CSNK1G3: variants seen among roughly 807,000 people sequenced by gnomAD.
CSNK1G3 encodes the protein casein kinase I isoform gamma-3.
CSNK1G3 carries 23 observed loss-of-function variants against 64.3 expected under a neutral mutation model. The observed-to-expected ratio is 0.36, with a 90% CI of 0.26 to 0.51. The LOEUF (loss-of-function observed/expected upper bound fraction) is 0.51. Ranked by LOEUF, CSNK1G3 falls within the 20% of genes least tolerant of loss-of-function variation. The pLI, the probability that CSNK1G3 is intolerant of heterozygous loss-of-function variation, is 0.96. For missense variants in CSNK1G3, 357 were observed against 510.5 expected (o/e 0.70, Z 2.90); for synonymous variants, 158 against 162.2 (o/e 0.97, Z 0.20).
intron 8 of CSNK1G3, among the ~76,000 whole-genome samples, chr5:123,589,175 T>C (rs573029499): frequency 6.6e-6 from 1 of 152,288 alleles, no homozygotes; most frequent in Admixed American, 6.5e-5. Context: ...AATACGGAAT[T>C]CCTATCTCAC....
intron 10 of CSNK1G3, among the ~76,000 whole-genome samples, chr5:123,598,506 A>G (rs990876517): frequency 3.9e-5 from 6 of 152,200 alleles, no homozygotes; most frequent in Non-Finnish European, 8.8e-5. Context: ...GGAAAGTGAC[A>G]TCTAAACTGA....
chr5:123,512,558 C>T (rs1776366741), exon 1 of CSNK1G3: 2 of 151,678 alleles, frequency 1.3e-5, no homozygotes, highest in Middle Eastern at 6.8e-3. Context: ...CTGCTCGCGG[C>T]CGCGCCTTTG....
intron 9 of CSNK1G3, 64 bp from the exon 10 acceptor site, chr5:123,591,255 T>C: frequency 1.0e-6 from 1 of 994,070 alleles, no homozygotes; most frequent in Non-Finnish European, 1.5e-6. Context: ...TTTAAGCAGC[T>C]AAATGATTTT....
intron 10 of CSNK1G3, among the ~76,000 whole-genome samples, chr5:123,593,127 G>A (rs1472481188): frequency 6.6e-6 from 1 of 151,336 alleles, no homozygotes; most frequent in Non-Finnish European, 1.5e-5. Context: ...TAGAGTATAA[G>A]CTCACTGAGG....
chr5:123,536,744 T>C (rs555163505), intron 1 of CSNK1G3, among the ~76,000 whole-genome samples: 1 of 152,100 alleles, frequency 6.6e-6, no homozygotes, highest in South Asian at 2.1e-4. Context: ...AAAGTGGCAT[T>C]AGAAGAAGAA....
chr5:123,528,104 G>A (rs1357579330), intron 1 of CSNK1G3, among the ~76,000 whole-genome samples: 4 of 152,216 alleles, frequency 2.6e-5, no homozygotes, highest in Non-Finnish European at 1.5e-5. Flanking sequence ...AAAAATGAAA[G>A]TATCTGACTC....
intron 4 of CSNK1G3, among the ~76,000 whole-genome samples, chr5:123,561,982 C>T (rs1785829502): frequency 6.6e-6 from 1 of 152,238 alleles, no homozygotes; most frequent in South Asian, 2.1e-4. Context: ...AATTGGGCTT[C>T]CTTTTGAATA....
chr5:123,531,276 G>A (rs897461486), intron 1 of CSNK1G3, among the ~76,000 whole-genome samples: 4 of 151,940 alleles, frequency 2.6e-5, no homozygotes, highest in East Asian at 1.9e-4. Flanking sequence ...ACTTAATACC[G>A]ATATGTTCTC....
At chr5:123,605,132 A>T in intron 11 of CSNK1G3, among the ~76,000 whole-genome samples, 1 of 152,076 alleles carries the variant, frequency 6.6e-6, no homozygotes, top group Non-Finnish European at 1.5e-5. Context: ...ATGTACTATC[A>T]ATCTTTTTTC....
chr5:123,533,150 T>G (rs766510269), intron 1 of CSNK1G3, among the ~76,000 whole-genome samples: 18 of 151,946 alleles, frequency 1.2e-4, no homozygotes, highest in Non-Finnish European at 2.2e-4. Flanking sequence ...TATTTCTTGT[T>G]TTAGTAAATT....
intron 8 of CSNK1G3, among the ~76,000 whole-genome samples, chr5:123,589,825 A>G (rs1000935314): frequency 2.6e-5 from 4 of 152,204 alleles, no homozygotes. Context: ...CCAGAAATTA[A>G]GAGAAGACTT....
Position 123,615,226 on chromosome 5 carries a change from A to G in CSNK1G3, c.*830A>G, listed in dbSNP as rs541359063. ...TACTTTAAAAAGTGATGTATGTTGGAGTTATAAAGAAATACACTAAGGAGA... is the reference window on the plus strand; with the variant it reads ...TACTTTAAAAAGTGATGTATGTTGGGGTTATAAAGAAATACACTAAGGAGA... On this transcript the variant is annotated 3_prime_UTR_variant, in exon 13 of 13. Transcript: ENST00000345990. 19 of 152,708 alleles carry G rather than the reference A, an allele frequency of 1.2e-4. No individual in the cohort carries two copies. The South Asian group carries it at 3.9e-3, about 32-fold the overall frequency. 9.5% of individuals were successfully genotyped at this position (152,708 alleles called of 1,614,324 possible).
chr5:123,607,566 A>T (rs952238668), intron 12 of CSNK1G3, among the ~76,000 whole-genome samples: 2 of 152,178 alleles, frequency 1.3e-5, no homozygotes, highest in Non-Finnish European at 1.5e-5. Context: ...ATAGACATCA[A>T]AAGATTAGTG....
intron 1 of CSNK1G3, among the ~76,000 whole-genome samples, chr5:123,525,343 A>T (rs1330526077): frequency 2.1e-5 from 3 of 142,962 alleles, no homozygotes; most frequent in Non-Finnish European, 4.5e-5. Context: ...ACGGAGTCTC[A>T]CTCTGTCGCC....
chr5:123,590,861 A>C (rs1327781614), intron 9 of CSNK1G3, among the ~76,000 whole-genome samples: 1 of 152,018 alleles, frequency 6.6e-6, no homozygotes, highest in East Asian at 1.9e-4. Flanking sequence ...TTAATACTTC[A>C]ATCCCTTGAT....
At chr5:123,571,833 A>G (rs2150667873) in intron 4 of CSNK1G3, among the ~76,000 whole-genome samples, 2 of 152,310 alleles carry the variant, frequency 1.3e-5, no homozygotes, top group South Asian at 4.1e-4. Context: ...TTTTCATGCT[A>G]ATAGATAAAT....
At chr5:123,575,693 A>G (rs1335216040) in intron 5 of CSNK1G3, 36 bp from the exon 6 acceptor site, 1 of 1,412,528 alleles carries the variant, frequency 7.1e-7, no homozygotes, top group Non-Finnish European at 1.0e-6. Context: ...GTCAAAGCCC[A>G]AAATAAAACT....
At chr5:123,570,901 G>A (rs10452549) in intron 4 of CSNK1G3, among the ~76,000 whole-genome samples, 35,781 of 152,048 alleles carry the variant, frequency 0.24, 4,305 homozygotes, top group Middle Eastern at 0.38. Context: ...CGATGTTGTG[G>A]TAGCTGAGAG....
intron 6 of CSNK1G3, among the ~76,000 whole-genome samples, chr5:123,587,621 GTATT>G (rs757917868): frequency 6.6e-6 from 1 of 152,280 alleles, no homozygotes. Flanking sequence ...TTAATGGAGA[GTATT>G]TATCATGGGA....
Sources: gnomAD v4.1 joint callset for allele counts (sites outside exome capture counted in the v4.1 genomes callset) on GRCh38, gnomAD v4.1.1 for gene constraint, MANE v1.5 for transcripts, NCBI Gene and HGNC (gene_info 2026-07-23, HGNC 2026-07-21) for gene names.